The following CLSTN2 variants were observed in gnomAD, a reference collection of about 807,000 sequenced individuals.
The protein encoded by CLSTN2 is calsyntenin-2.
CLSTN2 carries 48 observed loss-of-function variants against 101.2 expected under a neutral mutation model. That is an observed-to-expected ratio of 0.47 (90% CI 0.38 to 0.60). The LOEUF (loss-of-function observed/expected upper bound fraction) is 0.60, where lower values mean the gene tolerates loss of function less well. Among genes scored for constraint, CLSTN2 ranks in the 20% least tolerant of loss-of-function variants. The pLI, the probability that CLSTN2 is intolerant of heterozygous loss-of-function variation, is 0.00. For missense variants in CLSTN2, 1,160 were observed against 1,238.2 expected (o/e 0.94, Z 0.95); for synonymous variants, 481 against 463.6 (o/e 1.04, Z -0.48).
chr3:140,568,843 G>A lies in CLSTN2; in HGVS notation c.*2590G>A, dbSNP rs368767585. On this transcript the variant is annotated 3_prime_UTR_variant, in exon 17 of 17. Transcript: ENST00000458420. ...ATATGTGTTGGGGTTTTTTTGGTAG[G>A]GGGGGTAGCAGGTAAAGGTGGCCCA... is the stretch of plus-strand genomic sequence containing the variant. The A allele has an allele frequency of 9.9e-5, 15 of 152,092 alleles. 1 individual carries two copies. The highest frequency in any genetic ancestry group is 3.3e-4 in the Admixed American group (5 of 15,276). 9.4% of individuals were successfully genotyped at this position (152,092 alleles called of 1,614,324 possible). A position where few individuals can be genotyped will look rare whatever the true frequency, so the allele number is the denominator to read the frequency against.
chr3:139,965,261 A>G (rs1490370234), intron 1 of CLSTN2, among the ~76,000 whole-genome samples: 1 of 152,130 alleles, frequency 6.6e-6, no homozygotes. Flanking sequence ...TTGACAAGAG[A>G]GCTGAACCAA....
intron 1 of CLSTN2, among the ~76,000 whole-genome samples, chr3:140,149,647 CAG>C (rs2009831894): frequency 6.6e-6 from 1 of 152,070 alleles, no homozygotes; most frequent in Non-Finnish European, 1.5e-5. Flanking sequence ...TTACTAGAGA[CAG>C]GGTTCCACCG....
chr3:140,321,815 A>G (rs578114794), intron 2 of CLSTN2, among the ~76,000 whole-genome samples: 95 of 152,254 alleles, frequency 6.2e-4, no homozygotes, highest in South Asian at 2.7e-3. Flanking sequence ...CATTTCTGCT[A>G]TTTTAATGTC....
chr3:140,547,304 T>C (rs1935614395), intron 10 of CLSTN2, among the ~76,000 whole-genome samples: 1 of 148,308 alleles, frequency 6.7e-6, no homozygotes, highest in Non-Finnish European at 1.5e-5. Flanking sequence ...TGAAACCCCA[T>C]CTCTACTAAA....
chr3:140,200,044 G>A (rs1412482912), intron 2 of CLSTN2, among the ~76,000 whole-genome samples: 2 of 152,110 alleles, frequency 1.3e-5, no homozygotes, highest in Non-Finnish European at 2.9e-5. Flanking sequence ...CTCCTACAAG[G>A]CCTTTAGTCC....
chr3:140,526,666 C>CA (rs1236924875), intron 8 of CLSTN2, among the ~76,000 whole-genome samples: 1 of 148,940 alleles, frequency 6.7e-6, no homozygotes, highest in Non-Finnish European at 1.5e-5. Flanking sequence ...GGAGGCATCA[C>CA]ATTACTCGAC....
intron 1 of CLSTN2, among the ~76,000 whole-genome samples, chr3:140,092,607 G>A (rs764918878): frequency 4.6e-5 from 7 of 152,168 alleles, no homozygotes; most frequent in Non-Finnish European, 2.9e-5. Flanking sequence ...GCTGGTGCAT[G>A]AGCCTTGGGA....
At chr3:140,227,664 C>T (rs1222649718) in intron 2 of CLSTN2, among the ~76,000 whole-genome samples, 1 of 152,212 alleles carries the variant, frequency 6.6e-6, no homozygotes, top group Non-Finnish European at 1.5e-5. Flanking sequence ...AACAAGGACC[C>T]CAACCCTGTG....
intron 1 of CLSTN2, among the ~76,000 whole-genome samples, chr3:139,990,666 G>T (rs746962343): frequency 6.6e-6 from 1 of 152,230 alleles, no homozygotes; most frequent in Non-Finnish European, 1.5e-5. Flanking sequence ...GACCCCACCT[G>T]GGGGGTGAGA....
intron 12 of CLSTN2, among the ~76,000 whole-genome samples, chr3:140,560,349 G>GCA (rs1317330073): frequency 2.0e-5 from 3 of 152,132 alleles, no homozygotes; most frequent in South Asian, 4.2e-4. Context: ...CCCCCAACAT[G>GCA]CACACACACA....
At chr3:140,196,916 C>T (rs1477748659) in intron 2 of CLSTN2, among the ~76,000 whole-genome samples, 4 of 152,170 alleles carry the variant, frequency 2.6e-5, no homozygotes, top group Non-Finnish European at 5.9e-5. Flanking sequence ...TTTCAGAGGT[C>T]GTTGGCAATT....
At chr3:140,195,785 G>T (rs926587056) in intron 2 of CLSTN2, among the ~76,000 whole-genome samples, 1 of 152,142 alleles carries the variant, frequency 6.6e-6, no homozygotes, top group African/African-American at 2.4e-5. Context: ...AGTTACCTAG[G>T]CAATACAGGA....
At chr3:140,349,981 G>A (rs2087588193) in intron 2 of CLSTN2, among the ~76,000 whole-genome samples, 1 of 152,176 alleles carries the variant, frequency 6.6e-6, no homozygotes, top group Admixed American at 6.5e-5. Context: ...TAGATTGAAT[G>A]CGTCATCTGG....
intron 1 of CLSTN2, among the ~76,000 whole-genome samples, chr3:140,161,396 A>G (rs1262471914): frequency 1.3e-5 from 2 of 152,196 alleles, no homozygotes; most frequent in Non-Finnish European, 2.9e-5. Context: ...AGATATAAAG[A>G]CTGTGATTTC....
chr3:140,303,046 C>A (rs1008458511), intron 2 of CLSTN2, among the ~76,000 whole-genome samples: 1 of 152,150 alleles, frequency 6.6e-6, no homozygotes, highest in African/African-American at 2.4e-5. Context: ...GAAGAGAACA[C>A]AATCTTGTTG....
At chr3:140,253,653 C>G (rs74829281) in intron 2 of CLSTN2, among the ~76,000 whole-genome samples, 3,152 of 152,170 alleles carry the variant, frequency 0.021, 101 homozygotes, top group African/African-American at 0.072. Context: ...CTTTATTTGC[C>G]AAAACAGGCC....
chr3:140,076,285 C>T (rs1219469229), intron 1 of CLSTN2, among the ~76,000 whole-genome samples: 4 of 152,286 alleles, frequency 2.6e-5, no homozygotes, highest in African/African-American at 7.2e-5. Context: ...GTATATGCCA[C>T]GGTTGCTTTA....
chr3:140,430,766 T>C (rs892521178), intron 5 of CLSTN2, among the ~76,000 whole-genome samples: 4 of 152,160 alleles, frequency 2.6e-5, no homozygotes, highest in Non-Finnish European at 5.9e-5. Context: ...CAAAGCAAAG[T>C]TCACTGCACA....
chr3:140,187,480 A>C (rs540721681), intron 2 of CLSTN2, among the ~76,000 whole-genome samples: 1 of 152,168 alleles, frequency 6.6e-6, no homozygotes, highest in South Asian at 2.1e-4. Context: ...TCCATCAGAG[A>C]TGTTGTTTGA....
Sources: allele counts gnomAD v4.1 joint callset (sites outside exome capture counted in the v4.1 genomes callset), GRCh38; gene constraint gnomAD v4.1.1; transcripts MANE v1.5; gene names NCBI Gene and HGNC (gene_info 2026-07-23, HGNC 2026-07-21).